PXT1: variants seen among roughly 807,000 people sequenced by gnomAD.
The protein encoded by PXT1 is peroxisomal testis enriched protein 1.
In PXT1, 11 loss-of-function variants were observed where a neutral mutation model predicts 11.0. That is an observed-to-expected ratio of 1.00 (90% CI 0.63 to 1.66). The LOEUF (loss-of-function observed/expected upper bound fraction) is 1.66, where lower values mean the gene tolerates loss of function less well. Ranked by LOEUF, PXT1 falls within the 40% of genes most tolerant of loss-of-function variation. PXT1 has a pLI of 0.00. For synonymous variants in PXT1, 43 were observed against 51.4 expected, an observed-to-expected ratio of 0.84 and a Z score of 0.70; for missense variants, 141 against 155.5, an observed-to-expected ratio of 0.91 and a Z score of 0.49.
chr6:36,433,742 A>T (rs1156231369), intron 2 of PXT1, among the ~76,000 whole-genome samples: 1 of 150,728 alleles, frequency 6.6e-6, no homozygotes, highest in Non-Finnish European at 1.5e-5. Flanking sequence ...GGAGAATGGC[A>T]TGAACCTGGG....
chr6:36,404,825 G>T (rs1774265825), intron 3 of PXT1, among the ~76,000 whole-genome samples: 1 of 152,120 alleles, frequency 6.6e-6, no homozygotes, highest in African/African-American at 2.4e-5. Flanking sequence ...GGGCGTGGTG[G>T]CATGCACTTG....
chr6:36,407,105 G>A (rs1236568192), intron 3 of PXT1, among the ~76,000 whole-genome samples: 1 of 152,184 alleles, frequency 6.6e-6, no homozygotes, highest in East Asian at 1.9e-4. Context: ...AATTAAGTTC[G>A]TGATACTAGT....
intron 3 of PXT1, among the ~76,000 whole-genome samples, chr6:36,415,195 C>T (rs936232796): frequency 6.6e-6 from 1 of 152,138 alleles, no homozygotes; most frequent in African/African-American, 2.4e-5. Context: ...GTAATCCCAG[C>T]ACTTTGGGAG....
chr6:36,402,430 C>A (rs1774226463), intron 3 of PXT1, among the ~76,000 whole-genome samples: 1 of 152,122 alleles, frequency 6.6e-6, no homozygotes. Context: ...ATTGGAGGAC[C>A]TTTGATTTTC....
At chr6:36,399,768 T>C (rs1391265810) in intron 4 of PXT1, among the ~76,000 whole-genome samples, 1 of 152,184 alleles carries the variant, frequency 6.6e-6, no homozygotes, top group East Asian at 1.9e-4. Flanking sequence ...GTGGATTTCA[T>C]CACCCCCAAA....
intron 4 of PXT1, 31 bp from the exon 5 acceptor site, chr6:36,391,905 G>T: frequency 5.7e-6 from 6 of 1,061,460 alleles, no homozygotes; most frequent in South Asian, 1.5e-5. Context: ...ACAGAGAAAG[G>T]TTTTTTTTTT....
intron 3 of PXT1, among the ~76,000 whole-genome samples, chr6:36,409,857 G>GGA: frequency 2.1e-5 from 3 of 142,608 alleles, no homozygotes; most frequent in African/African-American, 7.9e-5. Context: ...AAGGAAGGAA[G>GGA]GAAGGAGAAA....
At chr6:36,395,266 T>G (rs1346645204) in intron 4 of PXT1, among the ~76,000 whole-genome samples, 1 of 152,200 alleles carries the variant, frequency 6.6e-6, no homozygotes, top group Non-Finnish European at 1.5e-5. Context: ...ATGAGCTGCT[T>G]GATAGGCAGT....
chr6:36,436,968 C>G (rs1179997612), intron 2 of PXT1, among the ~76,000 whole-genome samples: 1 of 152,004 alleles, frequency 6.6e-6, no homozygotes, highest in Non-Finnish European at 1.5e-5. Context: ...TGCAATTGTA[C>G]AGTTACATTA....
chr6:36,417,591 C>CAAAAAAAAAAAAAA (rs70975157), intron 3 of PXT1, among the ~76,000 whole-genome samples: 1 of 99,560 alleles, frequency 1.0e-5, no homozygotes, highest in South Asian at 3.6e-4. Flanking sequence ...TTCGTCTCTA[C>CAAAAAAAAAAAAAA]AAAAAAAAAA....
intron 3 of PXT1, 109 bp downstream of exon 3, chr6:36,425,805 A>AAACAAACAAACAAAAAAAATATAT (rs1554154141): frequency 3.1e-6 from 1 of 321,510 alleles, no homozygotes; most frequent in African/African-American, 2.3e-5. Context: ...AAAAACAAAA[A>AAACAAACAAACAAAAAAAATATAT]ATATATATAT....
chr6:36,408,262 T>A (rs80026676), intron 3 of PXT1, among the ~76,000 whole-genome samples: 1 of 131,856 alleles, frequency 7.6e-6, no homozygotes, highest in Admixed American at 7.6e-5. Context: ...ACGCCCAGCC[T>A]TTTTTTTTTT....
chr6:36,403,532 G>A (rs2127411305), intron 3 of PXT1, among the ~76,000 whole-genome samples: 1 of 152,296 alleles, frequency 6.6e-6, no homozygotes, highest in Non-Finnish European at 1.5e-5. Context: ...GTGGAAGGCA[G>A]AGGAGGCCAG....
At chr6:36,400,071 T>C (rs1774192773) in intron 4 of PXT1, among the ~76,000 whole-genome samples, 1 of 152,226 alleles carries the variant, frequency 6.6e-6, no homozygotes, top group Non-Finnish European at 1.5e-5. Context: ...GTGATTCTAA[T>C]TGCATCCAGT....
chr6:36,394,998 G>C (rs1444782329), intron 4 of PXT1, among the ~76,000 whole-genome samples: 1 of 151,736 alleles, frequency 6.6e-6, no homozygotes, highest in African/African-American at 2.4e-5. Flanking sequence ...TAGAGACAGG[G>C]ATCTCAAACA....
intron 2 of PXT1, among the ~76,000 whole-genome samples, chr6:36,432,120 TA>T (rs1774701641): frequency 6.6e-6 from 1 of 151,998 alleles, no homozygotes; most frequent in Non-Finnish European, 1.5e-5. Flanking sequence ...TAGATAGATA[TA>T]ATATATCATG....
intron 1 of PXT1, 89 bp downstream of exon 1, chr6:36,442,446 C>G (rs4711450): frequency 2.0e-5 from 3 of 152,030 alleles, no homozygotes; most frequent in African/African-American, 7.3e-5. Flanking sequence ...TTTTTGAATG[C>G]TGAAATCTTT....
At chr6:36,403,515 G>A (rs1488254601) in intron 3 of PXT1, among the ~76,000 whole-genome samples, 2 of 152,126 alleles carry the variant, frequency 1.3e-5, no homozygotes, top group African/African-American at 2.4e-5. Flanking sequence ...ATGGAGAGAG[G>A]GCAGGTGTGG....
At chr6:36,420,436 TATG>T (rs756067098) in intron 3 of PXT1, among the ~76,000 whole-genome samples, 8 of 152,226 alleles carry the variant, frequency 5.3e-5, no homozygotes, top group Non-Finnish European at 1.2e-4. Context: ...ATGTGCTTAA[TATG>T]ATACTTTTCA....
Sources: allele counts gnomAD v4.1 joint callset (sites outside exome capture counted in the v4.1 genomes callset), GRCh38; gene constraint gnomAD v4.1.1; transcripts MANE v1.5; gene names NCBI Gene and HGNC (gene_info 2026-07-23, HGNC 2026-07-21).